MACROH2A2: variants seen among roughly 807,000 people sequenced by gnomAD.
The protein encoded by MACROH2A2 is core histone macro-H2A.2.
A neutral mutation model predicts 37.6 loss-of-function variants in MACROH2A2; 6 were observed. That is an observed-to-expected ratio of 0.16 (90% CI 0.09 to 0.32). MACROH2A2 has a LOEUF of 0.32. MACROH2A2 is among the 10% of genes least tolerant of loss of function. MACROH2A2 has a pLI of 1.00. For synonymous variants in MACROH2A2, 192 were observed against 202.7 expected (o/e 0.95, Z 0.45); for missense variants, 290 against 485.9 (o/e 0.60, Z 3.79).
chr10:70,053,256 G>A lies in MACROH2A2; in HGVS notation c.-60+256G>A, dbSNP rs2136610747. ...AAATTCCTGCGGCCAGCGAGGGGCCGGGGGCGTCGAGGGTACTGAGAGGGG... is the reference window on the plus strand; with the variant it reads ...AAATTCCTGCGGCCAGCGAGGGGCCAGGGGCGTCGAGGGTACTGAGAGGGG... On this transcript the variant is annotated intron_variant, in intron 1 of 8. Coordinates refer to ENST00000373255, the MANE Select transcript of MACROH2A2 (RefSeq NM_018649.3). The surrounding 1 kb of genome is among the most constrained non-coding windows in gnomAD (Gnocchi z 4.8). Among the ~76,000 whole-genome samples, 4 of 152,308 alleles carry A rather than the reference G, an allele frequency of 2.6e-5. 1 individual carries two copies. The highest frequency in any genetic ancestry group is 2.6e-4 in the Admixed American group (4 of 15,302).
Position 70,101,034 on chromosome 10 carries a change from G to C in MACROH2A2, c.778+737G>C, listed in dbSNP as rs76177711. ...ATCACCTCACACAGAAACCCTGTTG[G>C]GTTGATCGGACTCAACACCAGGTCA... On this transcript the variant is annotated intron_variant, in intron 7 of 8. Transcript: ENST00000373255. 5.2e-3 allele frequency among the ~76,000 whole-genome samples: 793 copies of C among 152,272 alleles called. 11 individuals carry two copies. Among genetic ancestry groups the C allele is most frequent in the African/African-American group, 0.018 (738 of 41,550 alleles).
At chr10:70,101,841 T>C (rs560234247) in intron 7 of MACROH2A2, among the ~76,000 whole-genome samples, 2 of 152,382 alleles carry the variant, frequency 1.3e-5, no homozygotes, top group East Asian at 3.9e-4. Context: ...TTCCTTTTCA[T>C]GGCTGAATAA....
chr10:70,105,922 T>C (rs540884826), intron 7 of MACROH2A2, among the ~76,000 whole-genome samples: 7 of 152,134 alleles, frequency 4.6e-5, no homozygotes, highest in Non-Finnish European at 7.4e-5. Context: ...CAGGTCCCTG[T>C]TGAAAGCTAA....
At position 70,087,266 on chromosome 10, in the gene MACROH2A2, C is replaced by G. The variant is rs139630542; in HGVS notation, c.173-2794C>G. 9.8e-4 allele frequency among the ~76,000 whole-genome samples: 145 copies of G among 148,148 alleles called. 1 individual carries two copies. Among genetic ancestry groups the G allele is most frequent in the African/African-American group, 3.4e-3 (135 of 40,222 alleles). The stretch of plus-strand genomic sequence containing the variant: ...TTTTTTTTTTTTAAACAGAATCTCA[C>G]TATGTCACCCAGGCTGGAGTGCGGT... On this transcript the variant is annotated intron_variant, in intron 2 of 8. Coordinates refer to ENST00000373255, the MANE Select transcript of MACROH2A2 (RefSeq NM_018649.3).
chr10:70,100,805 T>C (rs1283057502), intron 7 of MACROH2A2, among the ~76,000 whole-genome samples: 1 of 152,034 alleles, frequency 6.6e-6, no homozygotes, highest in African/African-American at 2.4e-5. Flanking sequence ...TTAGTAGAGA[T>C]GGGGTTTTGC....
intron 7 of MACROH2A2, among the ~76,000 whole-genome samples, chr10:70,104,898 T>C (rs1425468478): frequency 1.3e-5 from 2 of 152,086 alleles, no homozygotes; most frequent in Admixed American, 6.5e-5. Flanking sequence ...AATATTAAAA[T>C]ATTTAAACAA....
At chr10:70,087,698 G>A (rs56328796) in intron 2 of MACROH2A2, among the ~76,000 whole-genome samples, 24,485 of 152,092 alleles carry the variant, frequency 0.16, 2,059 homozygotes, top group East Asian at 0.24. Context: ...CCACTGTCCC[G>A]ACACGCATGC....
chr10:70,089,127 G>T (rs2072228504), intron 2 of MACROH2A2, among the ~76,000 whole-genome samples: 1 of 152,102 alleles, frequency 6.6e-6, no homozygotes, highest in African/African-American at 2.4e-5. Flanking sequence ...GAAAAAGACA[G>T]TCTAAGAGAA....
At chr10:70,088,332 A>G (rs10999130) in intron 2 of MACROH2A2, among the ~76,000 whole-genome samples, 4,588 of 152,268 alleles carry the variant, frequency 0.03, 286 homozygotes, top group East Asian at 0.22. Flanking sequence ...ACAACAACAC[A>G]TTGGCACATT....
At chr10:70,103,999 C>T (rs1335927908) in intron 7 of MACROH2A2, among the ~76,000 whole-genome samples, 1 of 152,108 alleles carries the variant, frequency 6.6e-6, no homozygotes, top group Non-Finnish European at 1.5e-5. Flanking sequence ...TAGACATGAA[C>T]CTGGAAGGAA....
rs778240404 is a variant in MACROH2A2, at chr10:70,079,551, TCGCG to T, written c.172+3733_172+3736del. 3.7e-3 allele frequency among the ~76,000 whole-genome samples: 420 copies of T among 114,110 alleles called. 4 individuals are homozygous for T. The highest frequency in any genetic ancestry group is 0.012 in the African/African-American group (360 of 29,966). The allele number at this position is 114,110 out of a possible 152,430, so 74.9% of individuals were successfully genotyped here. ...GGCCCTTGAAGGCCACGTTGAGGGT[TCGCG>T]CGCGCGCGCGCACACACACACACAC... is the stretch of plus-strand genomic sequence containing the variant. On this transcript the variant is annotated intron_variant, in intron 2 of 8. Transcript: ENST00000373255.
At chr10:70,105,673 A>G (rs1321861233) in intron 7 of MACROH2A2, among the ~76,000 whole-genome samples, 1 of 146,252 alleles carries the variant, frequency 6.8e-6, no homozygotes, top group Non-Finnish European at 1.5e-5. Flanking sequence ...AACCGTGTGG[A>G]GGATGGTTTG....
At chr10:70,063,541 T>G (rs1168304488) in intron 1 of MACROH2A2, among the ~76,000 whole-genome samples, 1 of 152,222 alleles carries the variant, frequency 6.6e-6, no homozygotes, top group Non-Finnish European at 1.5e-5. Flanking sequence ...TGATCTTAAT[T>G]TTTTAACACG....
In MACROH2A2 at chr10:70,075,392, G is replaced by C. The variant is rs2072133862; in HGVS notation, c.-59-208G>C. On this transcript the variant is annotated intron_variant, in intron 1 of 8. Coordinates refer to ENST00000373255, the MANE Select transcript of MACROH2A2 (RefSeq NM_018649.3). The surrounding 1 kb of genome is among the most constrained non-coding windows in gnomAD (Gnocchi z 5.0). ...CCTCTTGAGGTCAGGCTGCTTTGGTGGGGGAGGGATGTTTGTGGGTGGGCT... is the reference window on the plus strand; with the variant it reads ...CCTCTTGAGGTCAGGCTGCTTTGGTCGGGGAGGGATGTTTGTGGGTGGGCT... 6.6e-6 allele frequency among the ~76,000 whole-genome samples: 1 copy of C among 152,178 alleles called. No homozygotes were observed. The highest frequency in any genetic ancestry group is 2.4e-5 in the African/African-American group (1 of 41,434).
chr10:70,092,886 A>ACTTGATATACTAGGTGTTTGGGTTAG (rs1589838141), intron 4 of MACROH2A2, among the ~76,000 whole-genome samples: 1 of 152,140 alleles, frequency 6.6e-6, no homozygotes, highest in South Asian at 2.1e-4. Context: ...TTTGGCATAT[A>ACTTGATATACTAGGTGTTTGGGTTAG]CTTGATATAC....
chr10:70,100,326 A>G (rs185643676), intron 7 of MACROH2A2, 29 bp downstream of exon 7: 2 of 1,262,796 alleles, frequency 1.6e-6, no homozygotes, highest in Non-Finnish European at 2.3e-6. Context: ...TCCTGTCACC[A>G]GCATGGCCTC....
At chr10:70,097,532 A>G (rs1430695667) in intron 6 of MACROH2A2, among the ~76,000 whole-genome samples, 1 of 152,222 alleles carries the variant, frequency 6.6e-6, no homozygotes, top group African/African-American at 2.4e-5. Flanking sequence ...TTATTATGGG[A>G]AAAGTCAAGC....
intron 2 of MACROH2A2, among the ~76,000 whole-genome samples, chr10:70,079,138 G>A (rs147762879): frequency 3.1e-4 from 47 of 152,228 alleles, no homozygotes; most frequent in Non-Finnish European, 5.3e-4. Flanking sequence ...CGGGAACTGC[G>A]GGTTGGGGGA....
chr10:70,099,982 C>A (rs1404359259), intron 6 of MACROH2A2, among the ~76,000 whole-genome samples: 1 of 152,198 alleles, frequency 6.6e-6, no homozygotes, highest in Non-Finnish European at 1.5e-5. Flanking sequence ...GCCAAATCAC[C>A]CCTTAAAATA....
Sources: gnomAD v4.1 joint callset for allele counts (sites outside exome capture counted in the v4.1 genomes callset) on GRCh38, gnomAD v4.1.1 for gene constraint, Gnocchi (gnomAD v3.1) non-coding constraint, MANE v1.5 for transcripts, NCBI Gene and HGNC (gene_info 2026-07-23, HGNC 2026-07-21) for gene names.